Variants in TEKT5 observed in about 807,000 individuals in gnomAD.
The protein encoded by TEKT5 is tektin-5.
TEKT5 carries 52 observed loss-of-function variants against 48.7 expected under a neutral mutation model. The observed-to-expected ratio is 1.07, with a 90% CI of 0.86 to 1.35. TEKT5 has a LOEUF of 1.35. TEKT5 is among the 40% of genes most tolerant of loss of function. TEKT5 has a pLI of 0.00. For missense variants in TEKT5, 831 were observed against 641.6 expected (o/e 1.30, Z -3.19); for synonymous variants, 318 against 267.6 (o/e 1.19, Z -1.84).
chr16:10,690,089 G>A, intron 1 of TEKT5, 64 bp from the exon 2 acceptor site: 1 of 1,542,276 alleles, frequency 6.5e-7, no homozygotes, highest in Non-Finnish European at 8.9e-7. Context: ...GAGCAGAAGG[G>A]ACTCACATCC....
rs553531467 is a variant in TEKT5, at chr16:10,669,298, T to C, written c.1086+6661A>G. Among the ~76,000 whole-genome samples, 7 of 127,296 alleles carry C rather than the reference T, an allele frequency of 5.5e-5. No individual in the cohort carries two copies. The East Asian group carries it at 2.0e-3, about 36-fold the overall frequency. The allele number at this position is 127,296 out of a possible 152,430, so 83.5% of individuals were successfully genotyped here. On this transcript the variant is annotated intron_variant, in intron 5 of 6. Transcript: ENST00000283025. Reference sequence around the variant, plus strand: ...GGTTAAACCCTATCTCTACTAAATATACAAAAAAAAAATAGCTGGGCAAGG... The same window carrying C: ...GGTTAAACCCTATCTCTACTAAATACACAAAAAAAAAATAGCTGGGCAAGG...
At chr16:10,644,187 T>G (rs1898035940) in intron 5 of TEKT5, among the ~76,000 whole-genome samples, 1 of 152,222 alleles carries the variant, frequency 6.6e-6, no homozygotes, top group South Asian at 2.1e-4. Flanking sequence ...GTTTTTCAGT[T>G]TACAAAGTCC....
At chr16:10,638,818 G>A (rs548027913) in intron 5 of TEKT5, among the ~76,000 whole-genome samples, 6 of 152,324 alleles carry the variant, frequency 3.9e-5, no homozygotes, top group African/African-American at 1.4e-4. Context: ...AGCCTTACTT[G>A]AAAGATTCAT....
intron 5 of TEKT5, among the ~76,000 whole-genome samples, chr16:10,672,114 A>C (rs1898558714): frequency 6.6e-6 from 1 of 152,160 alleles, no homozygotes; most frequent in Non-Finnish European, 1.5e-5. Context: ...GTATGAATGT[A>C]CTTAATGCCA....
intron 5 of TEKT5, among the ~76,000 whole-genome samples, chr16:10,656,969 G>A (rs1056201087): frequency 6.6e-6 from 1 of 151,984 alleles, no homozygotes; most frequent in East Asian, 1.9e-4. Context: ...GAACTCCTGG[G>A]CTCAAGTGAT....
intron 1 of TEKT5, chr16:10,690,265 G>C: frequency 1.9e-6 from 1 of 519,696 alleles, no homozygotes; most frequent in East Asian, 3.1e-5. Flanking sequence ...GAGAAAACAG[G>C]ATAAAGTAGC....
At chr16:10,679,292 A>G (rs1408455239) in intron 4 of TEKT5, among the ~76,000 whole-genome samples, 1 of 152,100 alleles carries the variant, frequency 6.6e-6, no homozygotes, top group African/African-American at 2.4e-5. Context: ...CCCTGTCTCT[A>G]CTAAAAATAC....
At chr16:10,680,643 A>C (rs558060909) in intron 4 of TEKT5, among the ~76,000 whole-genome samples, 1 of 152,088 alleles carries the variant, frequency 6.6e-6, no homozygotes, top group African/African-American at 2.4e-5. Flanking sequence ...GATTAAGAAA[A>C]TGTGGCACAT....
At chr16:10,686,355 G>A (rs1898861830) in intron 3 of TEKT5, among the ~76,000 whole-genome samples, 2 of 152,026 alleles carry the variant, frequency 1.3e-5, no homozygotes, top group African/African-American at 4.8e-5. Flanking sequence ...TACTCAGGAG[G>A]CCGAAGCAGG....
chr16:10,627,679 G>A lies in TEKT5; in HGVS notation c.1362C>T (p.Leu454=), dbSNP rs766542611. ...VMTKCRLEHE[L]AIKANTLCID... Reference sequence around the variant, plus strand: ...TGCAGAGGGTGTTGGCCTTGATGGCGAGCTCGTGCTCCAGCCGGCACTTGG... The same window carrying A: ...TGCAGAGGGTGTTGGCCTTGATGGCAAGCTCGTGCTCCAGCCGGCACTTGG... The change falls in exon 7 of 7, where the codon CTC becomes CTT. Residue 454 remains leucine, a synonymous_variant. Coordinates refer to ENST00000283025, the MANE Select transcript of TEKT5 (RefSeq NM_144674.2). The A allele has an allele frequency of 1.2e-5, 19 of 1,614,048 alleles. No homozygotes were observed. Among genetic ancestry groups the A allele is most frequent in the South Asian group, 6.6e-5 (6 of 91,086 alleles).
chr16:10,694,126 G>A lies in TEKT5; in HGVS notation c.564+184C>T, dbSNP rs116650322. On this transcript the variant is annotated intron_variant, in intron 1 of 6. Coordinates refer to ENST00000283025, the MANE Select transcript of TEKT5 (RefSeq NM_144674.2). ...GAAAAGGAAATTCTATTCAGTCCAA[G>A]AAACCCTGATTTGACTGGGATTATC... 7.1e-3 allele frequency among the ~76,000 whole-genome samples: 1,075 copies of A among 152,306 alleles called. 10 individuals carry two copies. The highest frequency in any genetic ancestry group is 0.025 in the African/African-American group (1,038 of 41,556).
intron 5 of TEKT5, among the ~76,000 whole-genome samples, chr16:10,660,996 G>A (rs190014109): frequency 1.3e-5 from 2 of 152,194 alleles, no homozygotes; most frequent in East Asian, 1.9e-4. Context: ...CACCGCGCCC[G>A]GCTGTGTTTT....
intron 6 of TEKT5, among the ~76,000 whole-genome samples, chr16:10,631,914 A>G (rs1897846373): frequency 6.6e-6 from 1 of 152,202 alleles, no homozygotes; most frequent in Admixed American, 6.5e-5. Context: ...GTAGCCACCC[A>G]GTTTGTAGTA....
intron 1 of TEKT5, chr16:10,690,650 T>C (rs1055635924): frequency 2.0e-6 from 2 of 985,172 alleles, no homozygotes; most frequent in Admixed American, 6.2e-5. Flanking sequence ...GAGGGACAGT[T>C]TGGGGAAGTG....
intron 5 of TEKT5, among the ~76,000 whole-genome samples, chr16:10,674,470 C>G (rs1463517691): frequency 6.6e-6 from 1 of 151,730 alleles, no homozygotes. Flanking sequence ...CCTGTCTCTA[C>G]AAAAAACTAA....
chr16:10,636,013 C>T (rs1235388250), intron 5 of TEKT5, 95 bp from the exon 6 acceptor site: 46 of 1,537,756 alleles, frequency 3.0e-5, no homozygotes, highest in Non-Finnish European at 3.6e-5. Flanking sequence ...GGTCAGCCTC[C>T]AGCCAGGCAC....
Position 10,689,943 on chromosome 16 carries a change from C to T in TEKT5, c.647G>A (p.Arg216Gln), listed in dbSNP as rs770636642. ...GGGCAGAACCAGGAGATGCCTTACC[C>T]GGATAAGGTTTTTCTCCACGTTGTC... ...VHDNVEKNLI[R>Q]EVDLLKCCQE... The change falls in exon 2 of 7, where the codon CGG becomes CAG. Residue 216 changes from arginine to glutamine, a missense_variant and splice_region_variant. Physicochemically the swap from Arg to Gln is conservative, Grantham distance 43. Coordinates refer to ENST00000283025, the MANE Select transcript of TEKT5 (RefSeq NM_144674.2). 1.5e-5 allele frequency: 25 copies of T among 1,613,988 alleles called. No homozygotes were observed. Among genetic ancestry groups the T allele is most frequent in the Middle Eastern group, 1.7e-4 (1 of 6,060 alleles).
intron 5 of TEKT5, among the ~76,000 whole-genome samples, chr16:10,674,532 C>T (rs530482824): frequency 7.2e-6 from 1 of 138,308 alleles, no homozygotes; most frequent in East Asian, 2.3e-4. Context: ...CTACTTGGGT[C>T]GCTTGAGCCC....
chr16:10,657,065 T>C (rs1452974240), intron 5 of TEKT5, among the ~76,000 whole-genome samples: 1 of 151,822 alleles, frequency 6.6e-6, no homozygotes, highest in African/African-American at 2.4e-5. Context: ...AATTCAAGCC[T>C]AGACTCAGAT....
Sources: allele counts gnomAD v4.1 joint callset (sites outside exome capture counted in the v4.1 genomes callset), GRCh38; gene constraint gnomAD v4.1.1; transcripts MANE v1.5; gene names NCBI Gene and HGNC (gene_info 2026-07-23, HGNC 2026-07-21).